The following PRH1 variants were observed in gnomAD, a reference collection of about 807,000 sequenced individuals.
PRH1 encodes the protein salivary acidic proline-rich phosphoprotein 1/2.
PRH1 carries 7 observed loss-of-function variants against 7.9 expected under a neutral mutation model. The observed-to-expected ratio is 0.89, with a 90% CI of 0.50 to 1.67. PRH1 has a LOEUF of 1.67. PRH1 is among the 40% of genes most tolerant of loss of function. The probability of loss-of-function intolerance (pLI) is 0.00; values close to 1 mark genes in which losing one functional copy is unlikely to be tolerated. For synonymous variants in PRH1, 45 were observed against 80.8 expected (o/e 0.56, Z 2.38); for missense variants, 109 against 223.6 (o/e 0.49, Z 3.27).
chr12:11,158,138 T>A (rs912868746), intron 1 of PRH1, among the ~76,000 whole-genome samples: 1 of 152,218 alleles, frequency 6.6e-6, no homozygotes, highest in East Asian at 1.9e-4. Flanking sequence ...GTGCTGGGTT[T>A]TTTTTCTTTC....
At chr12:11,057,887 G>C (rs972429300) in intron 1 of PRH1, among the ~76,000 whole-genome samples, 1 of 152,238 alleles carries the variant, frequency 6.6e-6, no homozygotes, top group South Asian at 2.1e-4. Context: ...TTTATGTCAG[G>C]ACTATGTCAC....
chr12:10,909,301 C>A, intron 2 of PRH1: 9 of 1,603,788 alleles, frequency 5.6e-6, no homozygotes, highest in Non-Finnish European at 6.8e-6. Context: ...CTTTCCATGT[C>A]AGAACAGAGA....
At chr12:11,045,556 G>A (rs1183507100) in intron 1 of PRH1, among the ~76,000 whole-genome samples, 1 of 152,028 alleles carries the variant, frequency 6.6e-6, no homozygotes, top group Non-Finnish European at 1.5e-5. Context: ...CACCTAGTAT[G>A]TATCCACGAA....
At chr12:11,102,275 C>T (rs1302408441) in intron 1 of PRH1, among the ~76,000 whole-genome samples, 8 of 152,284 alleles carry the variant, frequency 5.3e-5, no homozygotes, top group Admixed American at 2.6e-4. Flanking sequence ...AGGCATCACG[C>T]TACCTGACTT....
chr12:11,044,774 G>A (rs760797121), intron 1 of PRH1, among the ~76,000 whole-genome samples: 1 of 152,100 alleles, frequency 6.6e-6, no homozygotes, highest in Non-Finnish European at 1.5e-5. Flanking sequence ...TCTCAACCCC[G>A]TTAAAACAGC....
At position 11,079,462 on chromosome 12, in the gene PRH1, G is replaced by T. The variant is rs1334069673; in HGVS notation, n.124-32274C>A. On this transcript the variant is annotated intron_variant and non_coding_transcript_variant, in intron 1 of 4. Coordinates refer to the PRH1 transcript ENST00000541977. The stretch of plus-strand genomic sequence containing the variant: ...TCAGCCAAACTAGCTTCAAGATGCA[G>T]TACATGGCCCGTCTCCAGTCACCAG... 4.2e-5 allele frequency among the ~76,000 whole-genome samples: 5 copies of T among 118,012 alleles called. 1 individual carries two copies. The highest frequency in any genetic ancestry group is 1.0e-4 in the Non-Finnish European group (5 of 49,660). The allele number at this position is 118,012 out of a possible 152,430, so 77.4% of individuals were successfully genotyped here.
intron 1 of PRH1, among the ~76,000 whole-genome samples, chr12:11,100,854 A>G (rs1439838073): frequency 6.6e-6 from 1 of 152,192 alleles, no homozygotes. Flanking sequence ...GGACAGCCAA[A>G]AAATTTATAG....
chr12:11,126,959 C>T (rs1029414512), intron 1 of PRH1, among the ~76,000 whole-genome samples: 24 of 152,162 alleles, frequency 1.6e-4, no homozygotes, highest in African/African-American at 4.1e-4. Context: ...ATACCATGTC[C>T]GCATTTTTTA....
At chr12:10,964,650 G>A in intron 2 of PRH1, 1 of 553,484 alleles carries the variant, frequency 1.8e-6, no homozygotes. Flanking sequence ...AATAACAAGA[G>A]GAAGGAGGTC....
intron 1 of PRH1, among the ~76,000 whole-genome samples, chr12:11,170,740 G>C (rs995928046): frequency 8.5e-5 from 13 of 152,262 alleles, no homozygotes; most frequent in Admixed American, 5.9e-4. Flanking sequence ...ACGCGTGTGT[G>C]TCCACTAGTT....
chr12:10,887,834 G>A (rs1364508005), upstream of PRH1, among the ~76,000 whole-genome samples: 1 of 152,054 alleles, frequency 6.6e-6, no homozygotes, highest in South Asian at 2.1e-4. Context: ...GGATGTTGTC[G>A]ATGTTGTTTT....
chr12:11,070,761 C>T (rs1256641725), intron 1 of PRH1, among the ~76,000 whole-genome samples: 2 of 152,100 alleles, frequency 1.3e-5, no homozygotes, highest in Non-Finnish European at 2.9e-5. Context: ...TATCTAGGTA[C>T]CCAAAAGACA....
chr12:11,119,286 A>G (rs1389760890), downstream of PRH1, among the ~76,000 whole-genome samples: 2 of 146,492 alleles, frequency 1.4e-5, no homozygotes, highest in East Asian at 2.1e-4. Flanking sequence ...AGTGGGGGCT[A>G]AAGGGAAGGT....
intron 1 of PRH1, among the ~76,000 whole-genome samples, chr12:10,994,568 C>T (rs1339852204): frequency 1.3e-5 from 2 of 152,180 alleles, no homozygotes; most frequent in African/African-American, 2.4e-5. Context: ...TCAATTTCCA[C>T]ATGTCCCAGC....
At chr12:11,072,145 TG>T (rs1398217149) in intron 1 of PRH1, among the ~76,000 whole-genome samples, 1 of 152,192 alleles carries the variant, frequency 6.6e-6, no homozygotes, top group Non-Finnish European at 1.5e-5. Context: ...TTTTTGTTGT[TG>T]TTTTTTCTTT....
intron 1 of PRH1, among the ~76,000 whole-genome samples, chr12:11,041,287 C>G (rs1436784333): frequency 1.6e-5 from 1 of 61,622 alleles, no homozygotes; most frequent in Non-Finnish European, 3.2e-5. Context: ...TCAATGCAAA[C>G]CAAAAAAAAA....
chr12:10,931,643 C>T (rs546758390), intron 2 of PRH1, among the ~76,000 whole-genome samples: 16 of 152,270 alleles, frequency 1.1e-4, no homozygotes, highest in African/African-American at 3.9e-4. Flanking sequence ...ACCAAAACTC[C>T]CACTTTTTAC....
chr12:11,020,966 GA>G (rs1311810505), intron 1 of PRH1, among the ~76,000 whole-genome samples: 1 of 152,120 alleles, frequency 6.6e-6, no homozygotes, highest in Non-Finnish European at 1.5e-5. Flanking sequence ...TAACAGCACT[GA>G]AATGATCATC....
intron 2 of PRH1, among the ~76,000 whole-genome samples, chr12:10,914,297 G>A (rs1348055257): frequency 1.3e-5 from 2 of 152,210 alleles, no homozygotes; most frequent in African/African-American, 2.4e-5. Context: ...AGCAAACAGA[G>A]GGAGATGCTC....
Sources: gnomAD v4.1 joint callset for allele counts (sites outside exome capture counted in the v4.1 genomes callset) on GRCh38, gnomAD v4.1.1 for gene constraint, MANE v1.5 for transcripts, NCBI Gene and HGNC (gene_info 2026-07-23, HGNC 2026-07-21) for gene names.